Variants in MRPL1 observed in about 807,000 individuals in gnomAD.
MRPL1 encodes the protein large ribosomal subunit protein uL1m.
MRPL1 carries 28 observed loss-of-function variants against 38.0 expected under a neutral mutation model. The observed-to-expected ratio is 0.74, with a 90% CI of 0.55 to 1.01. The LOEUF is 1.01. Among genes scored for constraint, MRPL1 ranks in the 50% least tolerant of loss-of-function variants. The pLI, the probability that MRPL1 is intolerant of heterozygous loss-of-function variation, is 0.00. For missense variants in MRPL1, 358 were observed against 389.8 expected, an observed-to-expected ratio of 0.92 and a Z score of 0.69; for synonymous variants, 123 against 126.7, an observed-to-expected ratio of 0.97 and a Z score of 0.20.
At chr4:77,866,981 C>A (rs1469357350) in intron 1 of MRPL1, among the ~76,000 whole-genome samples, 1 of 151,872 alleles carries the variant, frequency 6.6e-6, no homozygotes, top group South Asian at 2.1e-4. Context: ...CTCCTGACCT[C>A]GTGATCCTCC....
Position 77,865,180 on chromosome 4 carries a change from A to G in MRPL1, c.31+2301A>G, listed in dbSNP as rs140858600. On this transcript the variant is annotated intron_variant, in intron 1 of 8. Transcript: ENST00000315567. ...GCTGGGATTACAGGCATGAGCCACC[A>G]TGCCCAGCCGATTATTGTCTATACC... is the stretch of plus-strand genomic sequence containing the variant. 5.5e-3 allele frequency among the ~76,000 whole-genome samples: 831 copies of G among 152,162 alleles called. 7 individuals are homozygous for G. The highest frequency in any genetic ancestry group is 0.018 in the African/African-American group (764 of 41,526).
Position 77,952,671 on chromosome 4 carries a change from C to A in MRPL1, c.*64C>A. On this transcript the variant is annotated 3_prime_UTR_variant, in exon 9 of 9. Coordinates refer to ENST00000315567, the MANE Select transcript of MRPL1 (RefSeq NM_020236.4). ...AGCAATGGAGAAAATGATAATACAG[C>A]ATAATTTTTACATTTGATGTCTTGT... 2 of 1,002,376 alleles carry A rather than the reference C, an allele frequency of 2.0e-6. No homozygotes were observed. The highest frequency in any genetic ancestry group is 3.0e-6 in the Non-Finnish European group (2 of 660,722). The allele number at this position is 1,002,376 out of a possible 1,614,324, so 62.1% of individuals were successfully genotyped here. A position where few individuals can be genotyped will look rare whatever the true frequency, so the allele number is the denominator to read the frequency against.
At chr4:77,894,076 C>T in intron 5 of MRPL1, 63 bp from the exon 6 acceptor site, 1 of 942,944 alleles carries the variant, frequency 1.1e-6, no homozygotes, top group Non-Finnish European at 1.7e-6. Flanking sequence ...CTACATTGTA[C>T]TTTTTCAGAA....
At chr4:77,930,047 C>T (rs577026666) in intron 7 of MRPL1, among the ~76,000 whole-genome samples, 1 of 152,240 alleles carries the variant, frequency 6.6e-6, no homozygotes, top group African/African-American at 2.4e-5. Context: ...GAGAGAAGAC[C>T]AGATTTCGAA....
intron 1 of MRPL1, among the ~76,000 whole-genome samples, chr4:77,867,746 C>CTTTTTT (rs71214374): frequency 3.3e-5 from 3 of 92,032 alleles, no homozygotes; most frequent in African/African-American, 4.2e-5. Flanking sequence ...ATAGTTATTT[C>CTTTTTT]TTTTTTTTTT....
At chr4:77,906,709 C>T (rs1736167619) in intron 6 of MRPL1, among the ~76,000 whole-genome samples, 1 of 151,992 alleles carries the variant, frequency 6.6e-6, no homozygotes, top group Non-Finnish European at 1.5e-5. Context: ...ATGTACAAGG[C>T]ACTGTTCTTA....
intron 7 of MRPL1, among the ~76,000 whole-genome samples, chr4:77,920,135 A>G (rs1736532974): frequency 6.6e-6 from 1 of 152,170 alleles, no homozygotes; most frequent in Admixed American, 6.5e-5. Flanking sequence ...TGGTGTCTTT[A>G]TAAGTGCTTT....
intron 7 of MRPL1, among the ~76,000 whole-genome samples, chr4:77,911,993 T>C (rs1037076411): frequency 1.3e-5 from 2 of 152,146 alleles, no homozygotes; most frequent in African/African-American, 4.8e-5. Flanking sequence ...ACAAAAGCCA[T>C]ATGAGCATTG....
At chr4:77,866,554 A>C (rs1735147617) in intron 1 of MRPL1, among the ~76,000 whole-genome samples, 1 of 151,740 alleles carries the variant, frequency 6.6e-6, no homozygotes, top group African/African-American at 2.4e-5. Flanking sequence ...CCCCCGCCTC[A>C]CCCAGCTGAC....
At chr4:77,899,717 G>T (rs1735995971) in intron 6 of MRPL1, among the ~76,000 whole-genome samples, 1 of 152,090 alleles carries the variant, frequency 6.6e-6, no homozygotes, top group South Asian at 2.1e-4. Context: ...TGATCGTATA[G>T]TATAGGTTAT....
Position 77,900,804 on chromosome 4 carries a change from T to C in MRPL1, c.670+6554T>C, listed in dbSNP as rs148908297. ...ATCAGAATGAGTATTGTGAGAACTG[T>C]ATAAGTGGTAGGGTAGCCATATGAG... is the stretch of plus-strand genomic sequence containing the variant. On this transcript the variant is annotated intron_variant, in intron 6 of 8. Coordinates refer to ENST00000315567, the MANE Select transcript of MRPL1 (RefSeq NM_020236.4). Among the ~76,000 whole-genome samples the C allele has an allele frequency of 4.3e-4, 65 of 152,244 alleles. 1 individual carries two copies. The highest frequency in any genetic ancestry group is 1.5e-3 in the African/African-American group (62 of 41,538).
intron 5 of MRPL1, among the ~76,000 whole-genome samples, chr4:77,893,048 T>A (rs1464590757): frequency 6.6e-6 from 1 of 152,216 alleles, no homozygotes; most frequent in Non-Finnish European, 1.5e-5. Flanking sequence ...TCCATAGTCA[T>A]TGCTTAATTT....
intron 5 of MRPL1, among the ~76,000 whole-genome samples, chr4:77,893,360 G>A (rs183312076): frequency 2.4e-3 from 372 of 152,126 alleles, no homozygotes; most frequent in African/African-American, 7.0e-3. Flanking sequence ...CAATTGATTT[G>A]CCTGCCTTGG....
chr4:77,933,692 A>C (rs553318945), intron 7 of MRPL1, among the ~76,000 whole-genome samples: 7 of 152,354 alleles, frequency 4.6e-5, no homozygotes, highest in Admixed American at 1.3e-4. Flanking sequence ...AGGAAAGAAG[A>C]AGCGTGGTAC....
intron 7 of MRPL1, among the ~76,000 whole-genome samples, chr4:77,911,577 C>T (rs566907001): frequency 1.3e-5 from 2 of 152,116 alleles, no homozygotes; most frequent in South Asian, 4.2e-4. Flanking sequence ...AGCTGTACCC[C>T]CTTGCTCTCT....
intron 7 of MRPL1, among the ~76,000 whole-genome samples, chr4:77,937,058 G>A (rs1737000940): frequency 6.6e-6 from 1 of 152,032 alleles, no homozygotes; most frequent in South Asian, 2.1e-4. Context: ...CCAGGAGGCC[G>A]AGGCTGTAAT....
chr4:77,917,922 G>T (rs2110252204), intron 7 of MRPL1, among the ~76,000 whole-genome samples: 1 of 152,140 alleles, frequency 6.6e-6, no homozygotes, highest in East Asian at 1.9e-4. Flanking sequence ...CAGGCATGGT[G>T]GTGCATGCTG....
intron 7 of MRPL1, among the ~76,000 whole-genome samples, chr4:77,933,135 G>A (rs939158964): frequency 6.6e-5 from 10 of 152,008 alleles, no homozygotes. Flanking sequence ...TTTTAGAGAT[G>A]GAGTCTTGCT....
intron 3 of MRPL1, 36 bp downstream of exon 3, chr4:77,883,536 A>AC: frequency 6.6e-7 from 1 of 1,523,004 alleles, no homozygotes; most frequent in Non-Finnish European, 8.8e-7. Flanking sequence ...TTACCTGTGA[A>AC]CAGTGGCTGT....
Sources: gnomAD v4.1 joint callset for allele counts (sites outside exome capture counted in the v4.1 genomes callset) on GRCh38, gnomAD v4.1.1 for gene constraint, MANE v1.5 for transcripts, NCBI Gene and HGNC (gene_info 2026-07-23, HGNC 2026-07-21) for gene names.